SEC11A: variants seen among roughly 807,000 people sequenced by gnomAD.
The protein encoded by SEC11A is signal peptidase complex catalytic subunit SEC11A.
In SEC11A, 14 loss-of-function variants were observed where a neutral mutation model predicts 25.6. That is an observed-to-expected ratio of 0.55 (90% CI 0.36 to 0.85). The LOEUF (loss-of-function observed/expected upper bound fraction) is 0.85. Among genes scored for constraint, SEC11A ranks in the 40% least tolerant of loss-of-function variants. SEC11A has a pLI of 0.01. For synonymous variants in SEC11A, 83 were observed against 76.4 expected (o/e 1.09, Z -0.45); for missense variants, 153 against 222.9 (o/e 0.69, Z 2.00).
intron 5 of SEC11A, 175 bp downstream of exon 5, chr15:84,670,550 T>C (rs1200432204): frequency 5.0e-6 from 2 of 402,610 alleles, no homozygotes; most frequent in African/African-American, 4.3e-5. Context: ...AATAATTTTT[T>C]TTTTTTTTTA....
At chr15:84,707,800 AT>A (rs1047097925) in intron 1 of SEC11A, among the ~76,000 whole-genome samples, 22 of 152,322 alleles carry the variant, frequency 1.4e-4, no homozygotes, top group African/African-American at 4.6e-4. Context: ...TATAAAAAAA[AT>A]AACAGATGTA....
At chr15:84,679,454 T>C (rs1341530763) in intron 4 of SEC11A, among the ~76,000 whole-genome samples, 1 of 152,222 alleles carries the variant, frequency 6.6e-6, no homozygotes, top group African/African-American at 2.4e-5. Context: ...TCTCGTGCTG[T>C]AACTGAGGAA....
chr15:84,700,332 AT>A (rs1419879032), intron 1 of SEC11A, among the ~76,000 whole-genome samples: 1 of 151,820 alleles, frequency 6.6e-6, no homozygotes, highest in East Asian at 1.9e-4. Context: ...GAGGTGGCTT[AT>A]GCCTGTAATC....
At chr15:84,685,094 C>A (rs1374986477) in intron 3 of SEC11A, among the ~76,000 whole-genome samples, 1 of 152,120 alleles carries the variant, frequency 6.6e-6, no homozygotes, top group African/African-American at 2.4e-5. Flanking sequence ...TGAAATAAAT[C>A]ACCAAAAACC....
intron 3 of SEC11A, among the ~76,000 whole-genome samples, chr15:84,682,321 T>C (rs1897302402): frequency 6.6e-6 from 1 of 152,182 alleles, no homozygotes; most frequent in African/African-American, 2.4e-5. Flanking sequence ...AGATTACCTT[T>C]ATCTTCTTTT....
intron 5 of SEC11A, chr15:84,670,350 C>T (rs190383668): frequency 3.4e-6 from 1 of 297,472 alleles, no homozygotes; most frequent in Admixed American, 4.9e-5. Context: ...AATTCTCGTG[C>T]CTCAGCCTCC....
chr15:84,674,016 T>C (rs543398849), intron 4 of SEC11A, among the ~76,000 whole-genome samples: 57 of 152,188 alleles, frequency 3.7e-4, no homozygotes, highest in Admixed American at 2.9e-3. Flanking sequence ...CAAATAACGC[T>C]CCTGTACATC....
intron 4 of SEC11A, among the ~76,000 whole-genome samples, chr15:84,677,837 A>G (rs1394873420): frequency 6.6e-6 from 1 of 152,118 alleles, no homozygotes; most frequent in Non-Finnish European, 1.5e-5. Flanking sequence ...CTTTCGTAGG[A>G]TGATGCATCT....
At chr15:84,673,067 G>A in intron 4 of SEC11A, 2 of 177,948 alleles carry the variant, frequency 1.1e-5, no homozygotes, top group Non-Finnish European at 2.4e-5. Context: ...CCTCCGTCCG[G>A]CAGCCACCCC....
Position 84,698,007 on chromosome 15 carries a change from T to C in SEC11A, c.52-6363A>G, listed in dbSNP as rs935835284. Among the ~76,000 whole-genome samples, 3 of 152,286 alleles carry C rather than the reference T, an allele frequency of 2.0e-5. No homozygotes were observed. In the East Asian group the frequency reaches 5.8e-4, roughly 29 times the overall value. ...ATAGGGATTTGTGTTTACTATTCTT[T>C]TTTTTCTTTTTAGGAAGTATTGTGT... On this transcript the variant is annotated intron_variant, in intron 1 of 5. Transcript: ENST00000268220.
chr15:84,712,834 T>C (rs1898324708), intron 1 of SEC11A, among the ~76,000 whole-genome samples: 1 of 152,110 alleles, frequency 6.6e-6, no homozygotes, highest in South Asian at 2.1e-4. Context: ...AAAAGCACAT[T>C]AGAGGTGGGA....
intron 1 of SEC11A, chr15:84,714,908 T>C (rs1270785191): frequency 6.6e-6 from 1 of 152,170 alleles, no homozygotes; most frequent in Non-Finnish European, 1.5e-5. Context: ...AAATAAATAC[T>C]TTCCTCAGAG....
At chr15:84,705,679 A>AC (rs750161250) in intron 1 of SEC11A, among the ~76,000 whole-genome samples, 2 of 151,036 alleles carry the variant, frequency 1.3e-5, no homozygotes, top group East Asian at 2.0e-4. Flanking sequence ...ACATGGTGAA[A>AC]CCCCGCCTCT....
chr15:84,686,186 C>T (rs1897416993), intron 3 of SEC11A, among the ~76,000 whole-genome samples: 3 of 152,256 alleles, frequency 2.0e-5, no homozygotes, highest in South Asian at 4.1e-4. Flanking sequence ...CACATACATA[C>T]TGATATCTGA....
chr15:84,680,841 A>C lies in SEC11A; in HGVS notation c.312-9T>G. 5 of 1,594,622 alleles carry C rather than the reference A, an allele frequency of 3.1e-6. No homozygotes were observed. The highest frequency in any genetic ancestry group is 4.3e-6 in the Non-Finnish European group (5 of 1,169,482). ...TGATATGCCCATTTTGCCTTAAAAG[A>C]GTAAAGGAAACCCAAGTCATCAAAT... is the stretch of plus-strand genomic sequence containing the variant. On this transcript the variant is annotated splice_polypyrimidine_tract_variant and intron_variant, in intron 3 of 5. Coordinates refer to ENST00000268220, the MANE Select transcript of SEC11A (RefSeq NM_014300.4).
intron 1 of SEC11A, among the ~76,000 whole-genome samples, chr15:84,713,156 T>G (rs1043330697): frequency 6.8e-6 from 1 of 146,976 alleles, no homozygotes; most frequent in Non-Finnish European, 1.5e-5. Context: ...ATTGCACTAC[T>G]GCACTCCAGC....
At chr15:84,678,165 C>G (rs980572529) in intron 4 of SEC11A, among the ~76,000 whole-genome samples, 2 of 151,974 alleles carry the variant, frequency 1.3e-5, no homozygotes, top group African/African-American at 2.4e-5. Context: ...CCACTGCACT[C>G]CAGCCTGGGC....
At position 84,699,771 on chromosome 15, in the gene SEC11A, GA is replaced by G. The variant is rs560752332; in HGVS notation, c.52-8128del. Among the ~76,000 whole-genome samples, 60 of 150,202 alleles carry G rather than the reference GA, an allele frequency of 4.0e-4. No individual in the cohort carries two copies. The East Asian group carries it at 0.011, about 28-fold the overall frequency. ...AAGATCCCCGTTCTCCACGGAAAAA[GA>G]AAAAAACAAAGACACACACACACAA... is the stretch of plus-strand genomic sequence containing the variant. On this transcript the variant is annotated intron_variant, in intron 1 of 5. Coordinates refer to ENST00000268220, the MANE Select transcript of SEC11A (RefSeq NM_014300.4).
At chr15:84,710,471 T>TA (rs967352881) in intron 1 of SEC11A, among the ~76,000 whole-genome samples, 91 of 151,556 alleles carry the variant, frequency 6.0e-4, no homozygotes, top group African/African-American at 2.1e-3. Context: ...TCGTCTCTAC[T>TA]AAAAAAAATA....
Sources: gnomAD v4.1 joint callset for allele counts (sites outside exome capture counted in the v4.1 genomes callset) on GRCh38, gnomAD v4.1.1 for gene constraint, MANE v1.5 for transcripts, NCBI Gene and HGNC (gene_info 2026-07-23, HGNC 2026-07-21) for gene names.